The following LIMD2 variants were observed in gnomAD, a reference collection of about 807,000 sequenced individuals.
The protein encoded by LIMD2 is LIM domain containing 2, also known as LIM domain-containing protein 2.
Under a neutral mutation model 16.0 loss-of-function variants are expected in LIMD2, and 11 were observed. That is an observed-to-expected ratio of 0.69 (90% CI 0.43 to 1.14). The LOEUF (loss-of-function observed/expected upper bound fraction) is 1.14, where lower values mean the gene tolerates loss of function less well. LIMD2 is among the 50% of genes most tolerant of loss of function. LIMD2 has a pLI of 0.00. For synonymous variants in LIMD2, 60 were observed against 67.1 expected, an observed-to-expected ratio of 0.89 and a Z score of 0.52; for missense variants, 168 against 165.8, an observed-to-expected ratio of 1.01 and a Z score of -0.07.
At chr17:63,699,887 C>CT in intron 1 of LIMD2, 145 bp downstream of exon 1, 1 of 984,392 alleles carries the variant, frequency 1.0e-6, no homozygotes, top group Non-Finnish European at 1.2e-6. Context: ...GGGGCCGGCC[C>CT]TGAAACGAGG....
Position 63,698,247 on chromosome 17 carries a change from C to T in LIMD2, c.*305G>A. On this transcript the variant is annotated 3_prime_UTR_variant, in exon 5 of 5. Coordinates refer to ENST00000259006, the MANE Select transcript of LIMD2 (RefSeq NM_030576.4). ...TGACTCCTTGCTGGAGAAAAGGCAC[C>T]TAGATAGGGGAGCTGGGCTTGGGGG... 1 of 395,382 alleles carries T rather than the reference C, an allele frequency of 2.5e-6. No individual in the cohort carries two copies. The highest frequency in any genetic ancestry group is 5.0e-5 in the East Asian group (1 of 20,106). 24.5% of individuals were successfully genotyped at this position (395,382 alleles called of 1,614,324 possible).
rs747906945 is a variant in LIMD2 at position 63,699,344 on chromosome 17, G to A, written c.-46C>T. ...CTCGGGTGGAGAAGCGGCACCCGCTGGGTTCTGCAAGGGGAAGTCAGTCGG... is the reference window on the plus strand; with the variant it reads ...CTCGGGTGGAGAAGCGGCACCCGCTAGGTTCTGCAAGGGGAAGTCAGTCGG... On this transcript the variant is annotated 5_prime_UTR_variant, in exon 2 of 5. Transcript: ENST00000259006. The A allele has an allele frequency of 1.3e-6, 2 of 1,579,202 alleles. No homozygotes were observed. The highest frequency in any genetic ancestry group is 1.7e-6 in the Non-Finnish European group (2 of 1,162,684).
In LIMD2 at chr17:63,698,573, G is replaced by A. The variant is rs772988770; in HGVS notation, c.363C>T (p.Asp121=). 3 of 1,613,780 alleles carry A rather than the reference G, an allele frequency of 1.9e-6. No individual in the cohort carries two copies. Among genetic ancestry groups the A allele is most frequent in the East Asian group, 2.2e-5 (1 of 44,874 alleles). The change falls in exon 5 of 5, where the codon GAC becomes GAT. Residue 121 remains aspartate (D), a synonymous_variant. Transcript: ENST00000259006. ...GGCCTCAGGCCGTCTTGGTGCCGGG[G>A]TCCACCTCCTTGTGGGCCCAGAGCT... is the stretch of plus-strand genomic sequence containing the variant. ...HKELWAHKEV[D]PGTKTA
chr17:63,698,551 C>T lies in LIMD2; in HGVS notation c.*1G>A, dbSNP rs2035728690. ...AGAGGGGGTGGAAGGTTACAGAGGC[C>T]TCAGGCCGTCTTGGTGCCGGGGTCC... On this transcript the variant is annotated 3_prime_UTR_variant, in exon 5 of 5. Coordinates refer to ENST00000259006, the MANE Select transcript of LIMD2 (RefSeq NM_030576.4). The T allele has an allele frequency of 6.2e-7, 1 of 1,613,434 alleles. No homozygotes were observed. Among genetic ancestry groups the T allele is most frequent in the Non-Finnish European group, 8.5e-7 (1 of 1,179,926 alleles).
chr17:63,700,874 C>CG (rs2035776863), upstream of LIMD2: 1 of 152,166 alleles, frequency 6.6e-6, no homozygotes, highest in Non-Finnish European at 1.5e-5. This position sits in a 1 kb window ranked among gnomAD's most constrained non-coding sequence, Gnocchi z 7.1. Flanking sequence ...CTGGGGAGGC[C>CG]GGTATGCGTG....
upstream of LIMD2, chr17:63,700,298 T>G (rs1203777810): frequency 2.7e-6 from 1 of 364,468 alleles, no homozygotes; most frequent in Non-Finnish European, 3.8e-6. The surrounding 1 kb of genome is among the most constrained non-coding windows in gnomAD (Gnocchi z 7.1). Context: ...CCTTTGTCTG[T>G]CCCCCGCCCC....
At chr17:63,700,915 A>C (rs2035777793), upstream of LIMD2, 1 of 152,184 alleles carries the variant, frequency 6.6e-6, no homozygotes, top group South Asian at 2.1e-4. This position sits in a 1 kb window ranked among gnomAD's most constrained non-coding sequence, Gnocchi z 7.1. Flanking sequence ...CCGAGGCTCC[A>C]CGTACTCAAG....
At chr17:63,699,432 G>A in intron 1 of LIMD2, 84 bp from the exon 2 acceptor site, 5 of 1,349,432 alleles carry the variant, frequency 3.7e-6, no homozygotes, top group Non-Finnish European at 5.0e-6. Context: ...AGGGGCTGGG[G>A]GGATTGCGGT....
Position 63,698,553 on chromosome 17 carries a change from C to T in LIMD2, c.383G>A (p.Ter128=). 2 of 1,613,510 alleles carry T rather than the reference C, an allele frequency of 1.2e-6. No individual in the cohort carries two copies. The highest frequency in any genetic ancestry group is 1.7e-4 in the Middle Eastern group (1 of 6,022). Residue 128 remains the stop codon, a stop_retained_variant, in exon 5 of 5, where the codon TGA becomes TAA. Coordinates refer to ENST00000259006, the MANE Select transcript of LIMD2 (RefSeq NM_030576.4). ...AGGGGGTGGAAGGTTACAGAGGCCTCAGGCCGTCTTGGTGCCGGGGTCCAC... is the reference window on the plus strand; with the variant it reads ...AGGGGGTGGAAGGTTACAGAGGCCTTAGGCCGTCTTGGTGCCGGGGTCCAC... ...KEVDPGTKTA[*]
rs1262293355 is a variant in LIMD2, at chr17:63,698,534, T to C, written c.*18A>G. On this transcript the variant is annotated 3_prime_UTR_variant, in exon 5 of 5. Coordinates refer to ENST00000259006, the MANE Select transcript of LIMD2 (RefSeq NM_030576.4). ...GGCTCCAGGCCTTCCGCAGAGGGGGTGGAAGGTTACAGAGGCCTCAGGCCG... is the reference window on the plus strand; with the variant it reads ...GGCTCCAGGCCTTCCGCAGAGGGGGCGGAAGGTTACAGAGGCCTCAGGCCG... 5 of 1,610,016 alleles carry C rather than the reference T, an allele frequency of 3.1e-6. No individual in the cohort carries two copies. The highest frequency in any genetic ancestry group is 4.2e-6 in the Non-Finnish European group (5 of 1,178,608).
intron 1 of LIMD2, 87 bp from the exon 2 acceptor site, chr17:63,699,435 A>C: frequency 7.6e-7 from 1 of 1,319,574 alleles, no homozygotes; most frequent in Admixed American, 2.9e-5. Flanking sequence ...GGCTGGGGGG[A>C]TTGCGGTTGG....
At chr17:63,700,206 C>T, upstream of LIMD2, 1 of 973,142 alleles carries the variant, frequency 1.0e-6, no homozygotes, top group Non-Finnish European at 1.2e-6. This position sits in a 1 kb window ranked among gnomAD's most constrained non-coding sequence, Gnocchi z 7.1. Flanking sequence ...ATTGGCTCCG[C>T]CGCGCCCGGA....
intron 1 of LIMD2, 85 bp from the exon 2 acceptor site, chr17:63,699,433 G>A (rs1467897268): frequency 4.5e-6 from 6 of 1,337,748 alleles, no homozygotes; most frequent in African/African-American, 1.5e-5. Flanking sequence ...GGGGCTGGGG[G>A]GATTGCGGTT....
upstream of LIMD2, chr17:63,700,772 C>T (rs1036438592): frequency 1.3e-5 from 2 of 151,562 alleles, no homozygotes; most frequent in African/African-American, 4.8e-5. The surrounding 1 kb of genome is among the most constrained non-coding windows in gnomAD (Gnocchi z 7.1). Context: ...TCTCCAGGCC[C>T]GGCCGCGAGG....
chr17:63,698,493 C>G lies in LIMD2; in HGVS notation c.*59G>C. On this transcript the variant is annotated 3_prime_UTR_variant, in exon 5 of 5. Coordinates refer to ENST00000259006, the MANE Select transcript of LIMD2 (RefSeq NM_030576.4). ...ACGCAAGCCCAGCTCGACCTCCTTC[C>G]CACCTTCCCCCTGCCGGCTCCAGGC... 3 of 1,577,928 alleles carry G rather than the reference C, an allele frequency of 1.9e-6. No individual in the cohort carries two copies. Among genetic ancestry groups the G allele is most frequent in the Non-Finnish European group, 2.6e-6 (3 of 1,162,216 alleles).
chr17:63,698,430 C>A lies in LIMD2; in HGVS notation c.*122G>T. ...AGCAGAGCCCTGCCCTGGTCCCCTACGCCTGAGCAAGCCTCATCCCCTTCC... is the reference window on the plus strand; with the variant it reads ...AGCAGAGCCCTGCCCTGGTCCCCTAAGCCTGAGCAAGCCTCATCCCCTTCC... On this transcript the variant is annotated 3_prime_UTR_variant, in exon 5 of 5. Transcript: ENST00000259006. 8.8e-7 allele frequency: 1 copy of A among 1,134,500 alleles called. No homozygotes were observed. Among genetic ancestry groups the A allele is most frequent in the Middle Eastern group, 3.0e-4 (1 of 3,348 alleles). 70.3% of individuals were successfully genotyped at this position (1,134,500 alleles called of 1,614,324 possible). A position where few individuals can be genotyped will look rare whatever the true frequency, so the allele number is the denominator to read the frequency against.
chr17:63,699,566 A>C, intron 1 of LIMD2: 15 of 418,186 alleles, frequency 3.6e-5, no homozygotes, highest in Non-Finnish European at 5.0e-5. Context: ...CGGAAGAACA[A>C]AGTTAGCGGG....
rs2035707229 is a variant in LIMD2 at position 63,697,314 on chromosome 17, C to T, written c.*1238G>A. On this transcript the variant is annotated 3_prime_UTR_variant, in exon 5 of 5. Transcript: ENST00000259006. ...ATGAGGGGGGACAATCCAGGGGTCA[C>T]TAAAACCTTGGGCAGCACTTGCTGG... is the stretch of plus-strand genomic sequence containing the variant. The T allele has an allele frequency of 6.6e-6, 1 of 152,318 alleles. No homozygotes were observed. The highest frequency in any genetic ancestry group is 1.5e-5 in the Non-Finnish European group (1 of 68,120). The allele number at this position is 152,318 out of a possible 1,614,324, so 9.4% of individuals were successfully genotyped here.
chr17:63,698,467 C>T lies in LIMD2; in HGVS notation c.*85G>A. On this transcript the variant is annotated 3_prime_UTR_variant, in exon 5 of 5. Transcript: ENST00000259006. Reference sequence around the variant, plus strand: ...CCTCATCCCCTTCCCACCTGGCCCCCACGCAAGCCCAGCTCGACCTCCTTC... The same window carrying T: ...CCTCATCCCCTTCCCACCTGGCCCCTACGCAAGCCCAGCTCGACCTCCTTC... The T allele has an allele frequency of 6.7e-7, 1 of 1,482,838 alleles. No individual in the cohort carries two copies. Among genetic ancestry groups the T allele is most frequent in the Non-Finnish European group, 9.1e-7 (1 of 1,101,552 alleles). The allele number at this position is 1,482,838 out of a possible 1,614,324, so 91.9% of individuals were successfully genotyped here.
Sources: allele counts gnomAD v4.1 joint callset, GRCh38; gene constraint gnomAD v4.1.1; non-coding constraint Gnocchi (gnomAD v3.1); transcripts MANE v1.5; gene names NCBI Gene and HGNC (gene_info 2026-07-23, HGNC 2026-07-21).